NCK2: variants seen among roughly 807,000 people sequenced by gnomAD.
NCK2 encodes NCK adaptor protein 2, also known as cytoplasmic protein NCK2.
NCK2 carries 16 observed loss-of-function variants against 33.9 expected under a neutral mutation model. The observed-to-expected ratio is 0.47, with a 90% CI of 0.32 to 0.72. The LOEUF (loss-of-function observed/expected upper bound fraction) is 0.72, where lower values mean the gene tolerates loss of function less well. Ranked by LOEUF, NCK2 falls within the 30% of genes least tolerant of loss-of-function variation. The probability of loss-of-function intolerance (pLI) is 0.03; values close to 1 mark genes in which losing one functional copy is unlikely to be tolerated. For missense variants in NCK2, 418 were observed against 537.3 expected (o/e 0.78, Z 2.19); for synonymous variants, 273 against 239.9 (o/e 1.14, Z -1.27).
At chr2:105,774,998 G>A (rs1379496233) in intron 1 of NCK2, among the ~76,000 whole-genome samples, 2 of 152,054 alleles carry the variant, frequency 1.3e-5, no homozygotes, top group African/African-American at 2.4e-5. Flanking sequence ...GGGCTGTATA[G>A]CAAGGCCCTG....
chr2:105,850,935 G>A (rs1356416085), intron 2 of NCK2, among the ~76,000 whole-genome samples: 1 of 152,198 alleles, frequency 6.6e-6, no homozygotes, highest in Non-Finnish European at 1.5e-5. Flanking sequence ...ACATGGTCCT[G>A]TTGGGTTTTA....
intron 1 of NCK2, among the ~76,000 whole-genome samples, chr2:105,765,786 G>GT (rs1553451275): frequency 0.064 from 9,461 of 147,286 alleles, 305 homozygotes; most frequent in Non-Finnish European, 0.074. Flanking sequence ...TAGAATAGGG[G>GT]GTGTGTGTGT....
chr2:105,783,642 T>TA (rs1299895577), intron 1 of NCK2, among the ~76,000 whole-genome samples: 2 of 152,156 alleles, frequency 1.3e-5, no homozygotes, highest in African/African-American at 4.8e-5. Context: ...CATCATGAAA[T>TA]ACCTTAGCAC....
At chr2:105,860,010 C>T (rs1043123794) in intron 3 of NCK2, among the ~76,000 whole-genome samples, 1 of 152,158 alleles carries the variant, frequency 6.6e-6, no homozygotes, top group Non-Finnish European at 1.5e-5. Context: ...CAGGGCTGGG[C>T]ACGATGGTTT....
intron 1 of NCK2, among the ~76,000 whole-genome samples, chr2:105,753,314 T>C (rs1689512580): frequency 1.3e-5 from 2 of 152,102 alleles, no homozygotes; most frequent in African/African-American, 4.8e-5. Flanking sequence ...CCTTGGATGG[T>C]CATCACTGAG....
chr2:105,873,614 G>T (rs567583047), intron 3 of NCK2, among the ~76,000 whole-genome samples: 2 of 152,184 alleles, frequency 1.3e-5, no homozygotes, highest in Non-Finnish European at 2.9e-5. Flanking sequence ...CTCGTTTAAG[G>T]GGATGGTTGG....
intron 2 of NCK2, among the ~76,000 whole-genome samples, chr2:105,841,038 G>A (rs983875935): frequency 2.6e-5 from 4 of 152,188 alleles, no homozygotes; most frequent in East Asian, 1.9e-4. Context: ...TCTCCACACT[G>A]ATAGTGTGGA....
In NCK2 at chr2:105,881,692, G is replaced by C. The variant is rs761375052; in HGVS notation, c.591G>C (p.Leu197=). Residue 197 remains leucine (L), a synonymous_variant, in exon 4 of 5, where the codon CTG becomes CTC. Transcript: ENST00000233154. ...SLSNGQGSRV[L]HVVQTLYPFS... is the part of the protein sequence containing the mutation. Reference sequence around the variant, plus strand: ...GCAATGGCCAGGGCTCCCGCGTGCTGCATGTGGTCCAGACGCTGTACCCCT... The same window carrying C: ...GCAATGGCCAGGGCTCCCGCGTGCTCCATGTGGTCCAGACGCTGTACCCCT... 1.2e-6 allele frequency: 2 copies of C among 1,614,066 alleles called. No homozygotes were observed. The highest frequency in any genetic ancestry group is 1.7e-6 in the Non-Finnish European group (2 of 1,179,940).
intron 1 of NCK2, among the ~76,000 whole-genome samples, chr2:105,787,377 C>A (rs532391569): frequency 6.6e-6 from 1 of 152,086 alleles, no homozygotes; most frequent in African/African-American, 2.4e-5. Flanking sequence ...GGAGATGAGC[C>A]CTCTGAGGAA....
intron 1 of NCK2, among the ~76,000 whole-genome samples, chr2:105,770,986 G>C (rs913841594): frequency 6.6e-6 from 1 of 151,982 alleles, no homozygotes; most frequent in South Asian, 2.1e-4. Context: ...GCAGTGGTGC[G>C]ATCTCAGCTC....
At chr2:105,804,310 T>C (rs1403612883) in intron 1 of NCK2, among the ~76,000 whole-genome samples, 2 of 152,252 alleles carry the variant, frequency 1.3e-5, no homozygotes, top group Non-Finnish European at 2.9e-5. Context: ...GGATGAGGAT[T>C]ATCTGAGAAG....
chr2:105,794,284 G>T (rs1029841921), intron 1 of NCK2, among the ~76,000 whole-genome samples: 3 of 151,758 alleles, frequency 2.0e-5, no homozygotes, highest in Admixed American at 6.6e-5. Flanking sequence ...ACTCCTGACC[G>T]CAAGTGATCC....
intron 1 of NCK2, among the ~76,000 whole-genome samples, chr2:105,791,332 C>CT (rs1254362250): frequency 6.6e-6 from 1 of 152,196 alleles, no homozygotes; most frequent in East Asian, 1.9e-4. Context: ...CACGTAACCT[C>CT]TGTGCCTTCA....
At chr2:105,801,322 C>T (rs1674827113) in intron 1 of NCK2, among the ~76,000 whole-genome samples, 1 of 152,162 alleles carries the variant, frequency 6.6e-6, no homozygotes, top group South Asian at 2.1e-4. Flanking sequence ...CCCCCAGCCC[C>T]AGCCCTTACG....
rs567043829 is a variant in NCK2, at chr2:105,893,276, T to A, written c.*100T>A. The A allele has an allele frequency of 5.7e-5, 64 of 1,122,520 alleles. No individual in the cohort carries two copies. The African/African-American group carries it at 8.8e-4, about 15-fold the overall frequency. 69.5% of individuals were successfully genotyped at this position (1,122,520 alleles called of 1,614,324 possible). On this transcript the variant is annotated 3_prime_UTR_variant, in exon 5 of 5. Coordinates refer to ENST00000233154, the MANE Select transcript of NCK2 (RefSeq NM_003581.5). ...TCCCGCGGGGACGGCCCCGACGGCT[T>A]CTCTGCGAGTCTCTCTTTATGTTCA...
intron 1 of NCK2, among the ~76,000 whole-genome samples, chr2:105,785,654 C>A (rs1690654007): frequency 6.6e-6 from 1 of 152,208 alleles, no homozygotes; most frequent in African/African-American, 2.4e-5. Context: ...TCAACATCCG[C>A]TCAGGTGTTT....
chr2:105,811,946 C>T (rs1174752775), intron 1 of NCK2, among the ~76,000 whole-genome samples: 1 of 152,166 alleles, frequency 6.6e-6, no homozygotes, highest in Non-Finnish European at 1.5e-5. Flanking sequence ...AACTGACAGA[C>T]CTTAAACTCT....
At chr2:105,798,278 C>T (rs1216877219) in intron 1 of NCK2, among the ~76,000 whole-genome samples, 1 of 152,160 alleles carries the variant, frequency 6.6e-6, no homozygotes, top group East Asian at 1.9e-4. Flanking sequence ...AGGGAAGCCT[C>T]CCTCCTATCC....
At chr2:105,796,247 A>G (rs546626791) in intron 1 of NCK2, among the ~76,000 whole-genome samples, 1 of 152,282 alleles carries the variant, frequency 6.6e-6, no homozygotes, top group African/African-American at 2.4e-5. Context: ...GTAAGTATAT[A>G]TGGCTGGTGG....
Sources: gnomAD v4.1 joint callset for allele counts (sites outside exome capture counted in the v4.1 genomes callset) on GRCh38, gnomAD v4.1.1 for gene constraint, MANE v1.5 for transcripts, NCBI Gene and HGNC (gene_info 2026-07-23, HGNC 2026-07-21) for gene names.